TAFA2: variants seen among roughly 807,000 people sequenced by gnomAD.
TAFA2 encodes the protein TAFA chemokine like family member 2.
TAFA2 carries 7 observed loss-of-function variants against 18.8 expected under a neutral mutation model. The observed-to-expected ratio is 0.37, with a 90% CI of 0.21 to 0.70. TAFA2 has a LOEUF of 0.70. TAFA2 is among the 30% of genes least tolerant of loss of function. The probability of loss-of-function intolerance (pLI) is 0.53; values close to 1 mark genes in which losing one functional copy is unlikely to be tolerated. For missense variants in TAFA2, 122 were observed against 158.1 expected (o/e 0.77, Z 1.23); for synonymous variants, 60 against 54.2 (o/e 1.11, Z -0.47).
rs1876889512 is a variant in TAFA2, at chr12:61,917,855, A to G, written c.-1-50429T>C. Among the ~76,000 whole-genome samples the G allele has an allele frequency of 2.6e-5, 4 of 152,100 alleles. 1 individual carries two copies. Among genetic ancestry groups the G allele is most frequent in the Admixed American group, 2.6e-4 (4 of 15,278 alleles). ...GGCTGGCAGAGCCTAACCCCATGAA[A>G]CAGAATCAGTAATTAGGTTCTGGAA... On this transcript the variant is annotated intron_variant, in intron 1 of 4. Coordinates refer to ENST00000416284, the MANE Select transcript of TAFA2 (RefSeq NM_178539.5).
intron 1 of TAFA2, among the ~76,000 whole-genome samples, chr12:61,931,175 C>T (rs1035838931): frequency 3.9e-5 from 6 of 152,116 alleles, no homozygotes; most frequent in African/African-American, 4.8e-5. Flanking sequence ...GTATTACCTG[C>T]TTTTTTCAAT....
chr12:62,151,521 T>C (rs1290050692), intron 1 of TAFA2, among the ~76,000 whole-genome samples: 5 of 152,204 alleles, frequency 3.3e-5, no homozygotes, highest in Admixed American at 3.3e-4. Context: ...TAGCTGATGT[T>C]TGTGTAGTTA....
chr12:61,921,527 T>TTGGTG (rs1029283272), intron 1 of TAFA2, among the ~76,000 whole-genome samples: 2 of 151,964 alleles, frequency 1.3e-5, no homozygotes, highest in African/African-American at 4.8e-5. Context: ...TTTTTGTTGT[T>TTGGTG]TGGTGTGGTG....
chr12:61,893,387 G>A (rs763009478), intron 1 of TAFA2, among the ~76,000 whole-genome samples: 1 of 152,192 alleles, frequency 6.6e-6, no homozygotes, highest in South Asian at 2.1e-4. Flanking sequence ...CTTCCAATAA[G>A]CTTTGCTATG....
intron 1 of TAFA2, among the ~76,000 whole-genome samples, chr12:61,902,165 T>G (rs1402937003): frequency 6.6e-6 from 1 of 151,324 alleles, no homozygotes; most frequent in African/African-American, 2.4e-5. Context: ...TGGTAACCTG[T>G]TACACCGAGG....
chr12:61,836,756 T>TACACAC (rs58707678), intron 2 of TAFA2, among the ~76,000 whole-genome samples: 1 of 119,846 alleles, frequency 8.3e-6, no homozygotes, highest in African/African-American at 2.8e-5. Flanking sequence ...TATATATATA[T>TACACAC]ACACACACAC....
At chr12:61,907,137 T>C (rs1876392474) in intron 1 of TAFA2, among the ~76,000 whole-genome samples, 1 of 152,196 alleles carries the variant, frequency 6.6e-6, no homozygotes, top group South Asian at 2.1e-4. Flanking sequence ...GCTGAACAGA[T>C]TTGCATAAGC....
intron 1 of TAFA2, among the ~76,000 whole-genome samples, chr12:61,971,361 T>C (rs775992773): frequency 1.3e-5 from 2 of 151,732 alleles, no homozygotes; most frequent in Admixed American, 6.6e-5. Flanking sequence ...TAATGATCCA[T>C]AGCATTAGGA....
chr12:61,753,428 C>T (rs1869112099), intron 4 of TAFA2, among the ~76,000 whole-genome samples, 194 bp downstream of exon 4: 1 of 151,938 alleles, frequency 6.6e-6, no homozygotes, highest in Non-Finnish European at 1.5e-5. Context: ...TGATGGTACT[C>T]TATGGAAGAT....
intron 4 of TAFA2, among the ~76,000 whole-genome samples, chr12:61,716,156 T>G (rs1012059318): frequency 1.3e-5 from 2 of 152,196 alleles, no homozygotes; most frequent in Non-Finnish European, 2.9e-5. Flanking sequence ...ACTATTATTA[T>G]TCAGATATGT....
chr12:62,084,711 C>A (rs1592325663), intron 1 of TAFA2, among the ~76,000 whole-genome samples: 2 of 152,114 alleles, frequency 1.3e-5, no homozygotes, highest in Non-Finnish European at 2.9e-5. Flanking sequence ...AGTTATCAGA[C>A]AAATACAGGT....
chr12:61,892,033 G>T (rs1875658229), intron 1 of TAFA2, among the ~76,000 whole-genome samples: 1 of 151,180 alleles, frequency 6.6e-6, no homozygotes, highest in Non-Finnish European at 1.5e-5. Context: ...GGAACATCTA[G>T]GATGCTCGGG....
chr12:61,716,867 C>T (rs1391079922), intron 4 of TAFA2, among the ~76,000 whole-genome samples: 1 of 152,138 alleles, frequency 6.6e-6, no homozygotes, highest in Non-Finnish European at 1.5e-5. Context: ...AAATGCAGTG[C>T]ATGGTCAATC....
chr12:61,799,301 A>C (rs1422843896), intron 2 of TAFA2, among the ~76,000 whole-genome samples: 2 of 152,182 alleles, frequency 1.3e-5, no homozygotes, highest in African/African-American at 2.4e-5. Flanking sequence ...ACTTTTGAGA[A>C]GAAGTCACAC....
At position 62,169,735 on chromosome 12, in the gene TAFA2, A is replaced by T. The variant is rs930876974; in HGVS notation, c.-2+21524T>A. Among the ~76,000 whole-genome samples the T allele has an allele frequency of 1.6e-3, 250 of 151,866 alleles. 3 individuals are homozygous for T. The highest frequency in any genetic ancestry group is 5.7e-3 in the African/African-American group (236 of 41,460). ...GCATAGTGGTGAGTGCCTGAAGACC[A>T]AGCTACTGGGGAGGCTGAGGCAGGA... is the stretch of plus-strand genomic sequence containing the variant. On this transcript the variant is annotated intron_variant, in intron 1 of 4. Transcript: ENST00000416284.
intron 1 of TAFA2, among the ~76,000 whole-genome samples, chr12:61,982,267 C>T (rs182081879): frequency 1.1e-4 from 16 of 152,170 alleles, no homozygotes; most frequent in African/African-American, 3.9e-4. Flanking sequence ...GGGCAGGGAA[C>T]ATCACACACC....
At chr12:61,994,320 A>C (rs1880111126) in intron 1 of TAFA2, among the ~76,000 whole-genome samples, 1 of 152,100 alleles carries the variant, frequency 6.6e-6, no homozygotes, top group Non-Finnish European at 1.5e-5. Context: ...TACACTGAGA[A>C]AATATCACTA....
intron 1 of TAFA2, among the ~76,000 whole-genome samples, chr12:62,004,880 C>T (rs887643884): frequency 3.0e-4 from 45 of 152,192 alleles, no homozygotes; most frequent in African/African-American, 7.9e-4. Flanking sequence ...TTTGCAACAA[C>T]ATGGATGAAC....
intron 1 of TAFA2, among the ~76,000 whole-genome samples, chr12:61,922,652 A>G (rs949013819): frequency 3.3e-5 from 5 of 152,136 alleles, no homozygotes; most frequent in Non-Finnish European, 5.9e-5. Context: ...CCTGGGTTTC[A>G]AGCACAAAAC....
Sources: gnomAD v4.1 joint callset for allele counts (sites outside exome capture counted in the v4.1 genomes callset) on GRCh38, gnomAD v4.1.1 for gene constraint, MANE v1.5 for transcripts, NCBI Gene and HGNC (gene_info 2026-07-23, HGNC 2026-07-21) for gene names.